RALGPS2: variants seen among roughly 807,000 people sequenced by gnomAD.
RALGPS2 encodes the protein Ral GEF with PH domain and SH3 binding motif 2.
A neutral mutation model predicts 86.8 loss-of-function variants in RALGPS2; 43 were observed. That is an observed-to-expected ratio of 0.50 (90% CI 0.39 to 0.64). The LOEUF is 0.64. Among genes scored for constraint, RALGPS2 ranks in the 30% least tolerant of loss-of-function variants. The pLI, the probability that RALGPS2 is intolerant of heterozygous loss-of-function variation, is 0.00. For synonymous variants in RALGPS2, 243 were observed against 231.3 expected (o/e 1.05, Z -0.46); for missense variants, 536 against 694.6 (o/e 0.77, Z 2.57).
intron 1 of RALGPS2, chr1:178,726,067 A>G (rs992980957): frequency 1.3e-5 from 2 of 152,388 alleles, no homozygotes; most frequent in African/African-American, 4.8e-5. Flanking sequence ...CAGGGGCCGC[A>G]GCCCCAGGTC....
intron 4 of RALGPS2, among the ~76,000 whole-genome samples, chr1:178,802,668 G>A (rs1654537425): frequency 6.6e-6 from 1 of 152,116 alleles, no homozygotes; most frequent in Non-Finnish European, 1.5e-5. Flanking sequence ...AGAACAGTAT[G>A]TACTATGGTT....
intron 1 of RALGPS2, chr1:178,725,826 C>G (rs1359636684): frequency 6.6e-6 from 1 of 152,370 alleles, no homozygotes; most frequent in East Asian, 1.9e-4. Flanking sequence ...AGCCCGATCC[C>G]GGACCTCGGA....
Position 178,776,726 on chromosome 1 carries a change from G to C in RALGPS2, c.-39G>C, listed in dbSNP as rs373854985. Reference sequence around the variant, plus strand: ...TTGGACATGAGGCAGTCAGTCCTCTGTTGCTGTTAACATAAGGTCAGGGAC... The same window carrying C: ...TTGGACATGAGGCAGTCAGTCCTCTCTTGCTGTTAACATAAGGTCAGGGAC... On this transcript the variant is annotated 5_prime_UTR_variant, in exon 2 of 20. Transcript: ENST00000367635. The C allele has an allele frequency of 6.5e-7, 1 of 1,532,494 alleles. No individual in the cohort carries two copies. The highest frequency in any genetic ancestry group is 8.9e-7 in the Non-Finnish European group (1 of 1,117,652). The allele number at this position is 1,532,494 out of a possible 1,614,324, so 94.9% of individuals were successfully genotyped here. A position where few individuals can be genotyped will look rare whatever the true frequency, so the allele number is the denominator to read the frequency against.
chr1:178,785,727 A>C (rs1254028124), intron 4 of RALGPS2, 120 bp downstream of exon 4: 2 of 1,302,444 alleles, frequency 1.5e-6, no homozygotes, highest in Non-Finnish European at 2.1e-6. Flanking sequence ...CTTGTGTTGT[A>C]ACTTATCTAC....
intron 7 of RALGPS2, among the ~76,000 whole-genome samples, chr1:178,830,524 A>G (rs1185742433): frequency 6.6e-6 from 1 of 152,210 alleles, no homozygotes; most frequent in African/African-American, 2.4e-5. Context: ...ATTGGTCACC[A>G]GTTTGGGGGA....
At chr1:178,802,360 C>T (rs1428022180) in intron 4 of RALGPS2, among the ~76,000 whole-genome samples, 1 of 152,124 alleles carries the variant, frequency 6.6e-6, no homozygotes, top group Non-Finnish European at 1.5e-5. Flanking sequence ...AGCAATGCAA[C>T]TTGTTCTTGA....
At chr1:178,729,052 G>T (rs945590259) in intron 1 of RALGPS2, among the ~76,000 whole-genome samples, 4 of 152,136 alleles carry the variant, frequency 2.6e-5, no homozygotes, top group African/African-American at 7.2e-5. Flanking sequence ...GAAACTTTTG[G>T]TACTGGCTTT....
intron 7 of RALGPS2, among the ~76,000 whole-genome samples, chr1:178,830,728 A>G (rs1490296448): frequency 1.3e-5 from 2 of 152,134 alleles, no homozygotes; most frequent in Non-Finnish European, 2.9e-5. Context: ...AGCTCCAACA[A>G]TGAAAAAAAT....
chr1:178,777,246 T>C (rs966584677), intron 2 of RALGPS2, among the ~76,000 whole-genome samples: 13 of 151,824 alleles, frequency 8.6e-5, no homozygotes, highest in African/African-American at 2.2e-4. Flanking sequence ...TATACACCAA[T>C]AACAGACAAA....
chr1:178,918,588 G>A lies in RALGPS2; in HGVS notation c.*2229G>A, dbSNP rs771292419. 9 of 152,054 alleles carry A rather than the reference G, an allele frequency of 5.9e-5. No homozygotes were observed. Among genetic ancestry groups the A allele is most frequent in the East Asian group, 1.9e-4 (1 of 5,192 alleles). 9.4% of individuals were successfully genotyped at this position (152,054 alleles called of 1,614,324 possible). On this transcript the variant is annotated 3_prime_UTR_variant, in exon 20 of 20. Transcript: ENST00000367635. ...GGATGTTTGCGTAGAGTAAGATAGC[G>A]TTCAAATTTGGTTAATAGTTTATAG...
chr1:178,908,773 G>T lies in RALGPS2; in HGVS notation c.1722+1906G>T, dbSNP rs185519329. On this transcript the variant is annotated intron_variant, in intron 19 of 19. Transcript: ENST00000367635. Reference sequence around the variant, plus strand: ...TTTTTAATGGGGTTGTTTTTTGCCTGTAAATTTAAGTTTCTTATAGATTCT... The same window carrying T: ...TTTTTAATGGGGTTGTTTTTTGCCTTTAAATTTAAGTTTCTTATAGATTCT... Among the ~76,000 whole-genome samples, 5 of 152,132 alleles carry T rather than the reference G, an allele frequency of 3.3e-5. No homozygotes were observed. In the East Asian group the frequency reaches 9.6e-4, roughly 29 times the overall value.
intron 1 of RALGPS2, among the ~76,000 whole-genome samples, chr1:178,773,111 A>G (rs1652886058): frequency 6.6e-6 from 1 of 152,184 alleles, no homozygotes; most frequent in African/African-American, 2.4e-5. Context: ...CTATTTTTAA[A>G]CTTTTCTTTA....
intron 8 of RALGPS2, among the ~76,000 whole-genome samples, chr1:178,858,221 G>A (rs1008992259): frequency 5.3e-5 from 8 of 152,064 alleles, no homozygotes; most frequent in African/African-American, 1.9e-4. Flanking sequence ...TCTTAGTCCA[G>A]TGTATATTGT....
intron 15 of RALGPS2, among the ~76,000 whole-genome samples, chr1:178,893,339 T>C (rs1038171100): frequency 2.6e-5 from 4 of 151,856 alleles, no homozygotes; most frequent in Non-Finnish European, 5.9e-5. Context: ...CACTTATCCA[T>C]TGACACCATT....
At chr1:178,780,696 C>T (rs1319030173) in intron 2 of RALGPS2, among the ~76,000 whole-genome samples, 2 of 152,106 alleles carry the variant, frequency 1.3e-5, no homozygotes, top group Non-Finnish European at 2.9e-5. Flanking sequence ...ATAACTTTGC[C>T]TATACCAATG....
chr1:178,882,724 C>T (rs1659310921), intron 10 of RALGPS2, among the ~76,000 whole-genome samples: 2 of 152,152 alleles, frequency 1.3e-5, no homozygotes, highest in South Asian at 4.1e-4. Flanking sequence ...TGATAGAAAT[C>T]ATAATCTCTT....
At chr1:178,830,187 A>G (rs950432662) in intron 7 of RALGPS2, among the ~76,000 whole-genome samples, 23 of 152,208 alleles carry the variant, frequency 1.5e-4, no homozygotes, top group Admixed American at 1.2e-3. Flanking sequence ...CACCTCAAGT[A>G]TATGCAATTT....
chr1:178,785,714 A>T, intron 4 of RALGPS2, 107 bp downstream of exon 4: 1 of 1,386,042 alleles, frequency 7.2e-7, no homozygotes, highest in Non-Finnish European at 9.6e-7. Context: ...AAAATGTTTG[A>T]AGCTTGTGTT....
intron 13 of RALGPS2, among the ~76,000 whole-genome samples, chr1:178,886,687 T>C (rs972984608): frequency 6.6e-6 from 1 of 151,954 alleles, no homozygotes; most frequent in Non-Finnish European, 1.5e-5. Context: ...AGAGAGAGTG[T>C]ACATAAATAA....
Sources: allele counts gnomAD v4.1 joint callset (sites outside exome capture counted in the v4.1 genomes callset), GRCh38; gene constraint gnomAD v4.1.1; transcripts MANE v1.5; gene names NCBI Gene and HGNC (gene_info 2026-07-23, HGNC 2026-07-21).